The following EXOC6B variants were observed in gnomAD, a reference collection of about 807,000 sequenced individuals.
The protein encoded by EXOC6B is exocyst complex component 6B.
EXOC6B carries 54 observed loss-of-function variants against 113.5 expected under a neutral mutation model. The ratio of observed to expected loss-of-function variants is 0.48; its 90% CI spans 0.38 to 0.60. The LOEUF (loss-of-function observed/expected upper bound fraction) is 0.60, where lower values mean the gene tolerates loss of function less well. Ranked by LOEUF, EXOC6B falls within the 20% of genes least tolerant of loss-of-function variation. The probability of loss-of-function intolerance (pLI) is 0.00; values close to 1 mark genes in which losing one functional copy is unlikely to be tolerated. For synonymous variants in EXOC6B, 357 were observed against 339.0 expected (o/e 1.05, Z -0.58); for missense variants, 797 against 977.5 (o/e 0.82, Z 2.46).
intron 1 of EXOC6B, among the ~76,000 whole-genome samples, chr2:72,767,540 T>TGG (rs1683136493): frequency 6.6e-6 from 1 of 151,716 alleles, no homozygotes; most frequent in African/African-American, 2.4e-5. Flanking sequence ...CCAGGCACAG[T>TGG]GGCTCACGCT....
At chr2:72,560,754 T>C (rs72845199) in intron 7 of EXOC6B, among the ~76,000 whole-genome samples, 7,612 of 151,862 alleles carry the variant, frequency 0.05, 295 homozygotes, top group Middle Eastern at 0.13. Context: ...GTATACTCTG[T>C]AAGCACACAA....
chr2:72,360,599 T>C (rs1445777097), intron 19 of EXOC6B, among the ~76,000 whole-genome samples: 2 of 152,114 alleles, frequency 1.3e-5, no homozygotes, highest in Non-Finnish European at 2.9e-5. Flanking sequence ...TTAACAACAC[T>C]GGGTAACTTA....
chr2:72,660,569 C>A (rs1206907597), intron 6 of EXOC6B, among the ~76,000 whole-genome samples: 7 of 152,098 alleles, frequency 4.6e-5, no homozygotes, highest in Non-Finnish European at 1.0e-4. Flanking sequence ...ATCAAGAGAA[C>A]ATTTATTCTG....
intron 20 of EXOC6B, among the ~76,000 whole-genome samples, chr2:72,191,952 G>A (rs140729564): frequency 2.6e-5 from 4 of 152,164 alleles, no homozygotes; most frequent in African/African-American, 4.8e-5. Context: ...TTCTTTGGCA[G>A]AAAGGATTAC....
At chr2:72,714,491 T>A (rs1679477522) in intron 6 of EXOC6B, among the ~76,000 whole-genome samples, 1 of 152,140 alleles carries the variant, frequency 6.6e-6, no homozygotes, top group South Asian at 2.1e-4. Context: ...ATAAAAACGA[T>A]AAGCTCAGAA....
At chr2:72,785,116 C>T (rs138753193) in intron 1 of EXOC6B, among the ~76,000 whole-genome samples, 5,732 of 152,288 alleles carry the variant, frequency 0.038, 337 homozygotes, top group African/African-American at 0.13. Context: ...CCAAAATTAT[C>T]TCCTTTGACT....
intron 6 of EXOC6B, among the ~76,000 whole-genome samples, chr2:72,619,205 G>C (rs562822113): frequency 1.3e-5 from 2 of 152,026 alleles, no homozygotes; most frequent in Admixed American, 6.6e-5. Flanking sequence ...GAGAGAGAGA[G>C]AGAGATTAAG....
At chr2:72,326,795 G>A (rs1330987758) in intron 20 of EXOC6B, among the ~76,000 whole-genome samples, 4 of 151,568 alleles carry the variant, frequency 2.6e-5, no homozygotes, top group Admixed American at 1.3e-4. Context: ...TGGCAAAACC[G>A]CAATTACTTT....
chr2:72,456,212 T>C (rs1697223974), intron 18 of EXOC6B, among the ~76,000 whole-genome samples: 1 of 152,202 alleles, frequency 6.6e-6, no homozygotes, highest in South Asian at 2.1e-4. Context: ...TACTCTTTCT[T>C]ATTTGGAGAA....
At chr2:72,718,423 T>C (rs1396280849) in intron 5 of EXOC6B, 116 bp from the exon 6 acceptor site, 5 of 634,398 alleles carry the variant, frequency 7.9e-6, no homozygotes, top group Middle Eastern at 3.1e-4. Context: ...GAAGTTTTAA[T>C]GAGAACATCA....
intron 6 of EXOC6B, among the ~76,000 whole-genome samples, chr2:72,671,531 C>T (rs1157727410): frequency 6.6e-6 from 1 of 151,588 alleles, no homozygotes; most frequent in Non-Finnish European, 1.5e-5. Flanking sequence ...CCCGTCTCTA[C>T]TAAAAAAAAA....
chr2:72,455,351 T>C (rs1697159985), intron 18 of EXOC6B, among the ~76,000 whole-genome samples: 1 of 152,184 alleles, frequency 6.6e-6, no homozygotes, highest in Admixed American at 6.5e-5. Context: ...TTCTACTTTA[T>C]GGGGATGTTA....
At chr2:72,518,702 C>T (rs1310701347) in intron 8 of EXOC6B, among the ~76,000 whole-genome samples, 2 of 152,082 alleles carry the variant, frequency 1.3e-5, no homozygotes, top group Non-Finnish European at 2.9e-5. Context: ...AGAAGTTCTC[C>T]ATGGCTGGAA....
chr2:72,182,121 T>A (rs1396954195), intron 21 of EXOC6B, among the ~76,000 whole-genome samples: 2 of 152,168 alleles, frequency 1.3e-5, no homozygotes, highest in African/African-American at 4.8e-5. Context: ...ATTGTAGTGA[T>A]CTGGATGCCC....
chr2:72,469,072 A>C (rs1698236866), intron 17 of EXOC6B, among the ~76,000 whole-genome samples: 1 of 152,120 alleles, frequency 6.6e-6, no homozygotes, highest in African/African-American at 2.4e-5. Context: ...ACAATTAATG[A>C]AACAATATTG....
At chr2:72,357,163 T>C (rs1187200265) in intron 19 of EXOC6B, among the ~76,000 whole-genome samples, 1 of 152,238 alleles carries the variant, frequency 6.6e-6, no homozygotes, top group Non-Finnish European at 1.5e-5. Context: ...GTAAGTATAG[T>C]ACAGTAAGAT....
intron 6 of EXOC6B, among the ~76,000 whole-genome samples, chr2:72,609,938 A>G (rs1165830816): frequency 6.6e-6 from 1 of 152,184 alleles, no homozygotes; most frequent in Non-Finnish European, 1.5e-5. Context: ...GAAACAATGA[A>G]ATCAGTAGAC....
intron 20 of EXOC6B, among the ~76,000 whole-genome samples, chr2:72,291,336 G>T (rs1481023883): frequency 2.0e-5 from 3 of 152,176 alleles, no homozygotes; most frequent in African/African-American, 7.2e-5. Context: ...GTCAACTATA[G>T]CTATTAAAAG....
chr2:72,600,887 T>A (rs1670382865), intron 6 of EXOC6B, among the ~76,000 whole-genome samples: 1 of 151,358 alleles, frequency 6.6e-6, no homozygotes, highest in African/African-American at 2.4e-5. Context: ...GTAAAAACAA[T>A]GTTAAGAAAA....
Sources: allele counts gnomAD v4.1 joint callset (sites outside exome capture counted in the v4.1 genomes callset), GRCh38; gene constraint gnomAD v4.1.1; transcripts MANE v1.5; gene names NCBI Gene and HGNC (gene_info 2026-07-23, HGNC 2026-07-21).